The following ARRB1 variants were observed in gnomAD, a reference collection of about 807,000 sequenced individuals.
ARRB1 encodes the protein arrestin beta 1.
ARRB1 carries 21 observed loss-of-function variants against 56.8 expected under a neutral mutation model. The observed-to-expected ratio is 0.37, with a 90% CI of 0.26 to 0.53. The LOEUF is 0.53. Among genes scored for constraint, ARRB1 ranks in the 20% least tolerant of loss-of-function variants. ARRB1 has a pLI of 0.88. For missense variants in ARRB1, 424 were observed against 553.7 expected (o/e 0.77, Z 2.35); for synonymous variants, 210 against 218.6 (o/e 0.96, Z 0.35).
intron 1 of ARRB1, among the ~76,000 whole-genome samples, chr11:75,336,838 A>G (rs1468646066): frequency 1.3e-5 from 2 of 152,166 alleles, no homozygotes; most frequent in Admixed American, 6.5e-5. Flanking sequence ...GGGGAATATT[A>G]TCACCTCCGT....
At chr11:75,306,026 C>T (rs1261954144) in intron 1 of ARRB1, among the ~76,000 whole-genome samples, 1 of 152,124 alleles carries the variant, frequency 6.6e-6, no homozygotes, top group Non-Finnish European at 1.5e-5. Flanking sequence ...ATCCACCCTT[C>T]CCCGCACACC....
intron 5 of ARRB1, among the ~76,000 whole-genome samples, chr11:75,282,982 G>A (rs1459071927): frequency 6.6e-6 from 1 of 152,240 alleles, no homozygotes; most frequent in Non-Finnish European, 1.5e-5. Flanking sequence ...CCCTTGCAGT[G>A]ATGCAGGGTC....
At chr11:75,276,002 T>C (rs1454455765) in intron 10 of ARRB1, among the ~76,000 whole-genome samples, 2 of 152,180 alleles carry the variant, frequency 1.3e-5, no homozygotes, top group Non-Finnish European at 2.9e-5. Flanking sequence ...ACAGTGGATA[T>C]GAAAAATATC....
At chr11:75,312,208 A>G in intron 1 of ARRB1, 2 of 1,215,466 alleles carry the variant, frequency 1.6e-6, no homozygotes, top group Non-Finnish European at 2.2e-6. Flanking sequence ...AGCCGTCCCT[A>G]GGAATGATGG....
At chr11:75,306,417 C>T in intron 1 of ARRB1, 1 of 474,998 alleles carries the variant, frequency 2.1e-6, no homozygotes, top group Non-Finnish European at 4.0e-6. Context: ...TCCCTGTGTT[C>T]TCCATCCCCA....
At position 75,283,494 on chromosome 11, in the gene ARRB1, C is replaced by A; in HGVS notation, c.158-11G>T. The A allele has an allele frequency of 5.6e-6, 9 of 1,594,752 alleles. No individual in the cohort carries two copies. Among genetic ancestry groups the A allele is most frequent in the Non-Finnish European group, 7.7e-6 (9 of 1,168,540 alleles). ...TCAGCGTCACATAGACTGTGGGGAGCGAGGAGCACTGAGGAGGGGCCTGGG... is the reference window on the plus strand; with the variant it reads ...TCAGCGTCACATAGACTGTGGGGAGAGAGGAGCACTGAGGAGGGGCCTGGG... On this transcript the variant is annotated splice_polypyrimidine_tract_variant and intron_variant, in intron 4 of 15. Transcript: ENST00000420843.
At chr11:75,303,643 C>T in intron 1 of ARRB1, 1 of 456,338 alleles carries the variant, frequency 2.2e-6, no homozygotes. Flanking sequence ...TTCCCCAGAG[C>T]ACCTACAGGG....
rs545114849 is a variant in ARRB1, at chr11:75,307,662, A to G, written c.21-17623T>C. On this transcript the variant is annotated intron_variant, in intron 1 of 15. Coordinates refer to ENST00000420843, the MANE Select transcript of ARRB1 (RefSeq NM_004041.5). ...GACAGACTTCAGCTCAGTCTAACAC[A>G]CGGGGAAGGTCTTCCCTCTGGAGCA... 2.6e-5 allele frequency among the ~76,000 whole-genome samples: 4 copies of G among 152,268 alleles called. No individual in the cohort carries two copies. In the South Asian group the frequency reaches 6.2e-4, roughly 24 times the overall value.
intron 1 of ARRB1, among the ~76,000 whole-genome samples, chr11:75,345,284 G>A (rs185863758): frequency 2.4e-4 from 36 of 152,258 alleles, no homozygotes; most frequent in Middle Eastern, 3.4e-3. Flanking sequence ...CGCGTCTCCC[G>A]AGAGATGACC....
chr11:75,339,573 C>T (rs550378000), intron 1 of ARRB1, among the ~76,000 whole-genome samples: 11 of 152,348 alleles, frequency 7.2e-5, no homozygotes, highest in African/African-American at 2.6e-4. Flanking sequence ...CTCTGGCTCA[C>T]ACAAACGCAC....
In ARRB1 at chr11:75,274,106, C is replaced by T; in HGVS notation, c.882G>A (p.Lys294=). Reference sequence around the variant, plus strand: ...TAGAGGCCAAGTTCGTGTCTTCGTGCTTGAGCTTCCCGTCCAAGGCGAGGC... The same window carrying T: ...TAGAGGCCAAGTTCGTGTCTTCGTGTTTGAGCTTCCCGTCCAAGGCGAGGC... ...KRGLALDGKL[K]HEDTNLASST... The change falls in exon 11 of 16, where the codon AAG becomes AAA. Residue 294 remains lysine (K), a synonymous_variant. Transcript: ENST00000420843. 1 of 1,614,202 alleles carries T rather than the reference C, an allele frequency of 6.2e-7. No individual in the cohort carries two copies. The highest frequency in any genetic ancestry group is 8.5e-7 in the Non-Finnish European group (1 of 1,180,026).
At position 75,264,210 on chromosome 11, in the gene ARRB1, G is replaced by C. The variant is rs1945860231; in HGVS notation, c.*1953C>G. ...ATGAGACTCAGAAGTCGCGCTGCCA[G>C]GCTTGTGAAACAGGTGATTTCACCA... is the stretch of plus-strand genomic sequence containing the variant. On this transcript the variant is annotated 3_prime_UTR_variant, in exon 16 of 16. Transcript: ENST00000420843. The C allele has an allele frequency of 1.3e-5, 2 of 152,224 alleles. No individual in the cohort carries two copies. The highest frequency in any genetic ancestry group is 2.9e-5 in the Non-Finnish European group (2 of 68,078). 9.4% of individuals were successfully genotyped at this position (152,224 alleles called of 1,614,324 possible).
intron 1 of ARRB1, chr11:75,335,187 G>C (rs1340093892): frequency 4.4e-6 from 1 of 228,722 alleles, no homozygotes; most frequent in African/African-American, 2.3e-5. Context: ...GACAGATGAG[G>C]CTCCGGAAGA....
At chr11:75,267,618 AC>A (rs756444333) in intron 15 of ARRB1, 33 bp downstream of exon 15, 12 of 777,546 alleles carry the variant, frequency 1.5e-5, no homozygotes, top group South Asian at 6.7e-5. Flanking sequence ...CCCGCGGCCC[AC>A]CCCCGGATGT....
At chr11:75,280,141 G>T (rs567624789) in intron 7 of ARRB1, among the ~76,000 whole-genome samples, 3 of 152,136 alleles carry the variant, frequency 2.0e-5, no homozygotes, top group Admixed American at 1.3e-4. Flanking sequence ...GGTGAGAGGG[G>T]TGGCTCTCGA....
chr11:75,294,110 C>A (rs1019794534), intron 1 of ARRB1, among the ~76,000 whole-genome samples: 1 of 152,182 alleles, frequency 6.6e-6, no homozygotes, highest in Admixed American at 6.5e-5. Flanking sequence ...GTCATGTGTT[C>A]TACACCTGGG....
intron 1 of ARRB1, among the ~76,000 whole-genome samples, chr11:75,339,595 G>A (rs1473953004): frequency 6.6e-6 from 1 of 152,218 alleles, no homozygotes; most frequent in African/African-American, 2.4e-5. Context: ...TTCCAACCAG[G>A]TCGTGAGTCC....
At chr11:75,295,336 T>C (rs1946712397) in intron 1 of ARRB1, among the ~76,000 whole-genome samples, 1 of 151,886 alleles carries the variant, frequency 6.6e-6, no homozygotes, top group African/African-American at 2.4e-5. Context: ...CCCACAGGGC[T>C]GCATTCATTT....
chr11:75,286,895 T>G (rs1156507431), intron 3 of ARRB1, among the ~76,000 whole-genome samples: 3 of 152,178 alleles, frequency 2.0e-5, no homozygotes, highest in Admixed American at 2.0e-4. Flanking sequence ...TTGCAGACTC[T>G]GCCAGGTTTG....
Sources: gnomAD v4.1 joint callset for allele counts (sites outside exome capture counted in the v4.1 genomes callset) on GRCh38, gnomAD v4.1.1 for gene constraint, MANE v1.5 for transcripts, NCBI Gene and HGNC (gene_info 2026-07-23, HGNC 2026-07-21) for gene names.